Variants in KSR1 observed in about 807,000 individuals in gnomAD.
KSR1 encodes kinase suppressor of ras.
Under a neutral mutation model 92.9 loss-of-function variants are expected in KSR1, and 35 were observed. The ratio of observed to expected loss-of-function variants is 0.38; its 90% CI spans 0.29 to 0.50. KSR1 has a LOEUF of 0.50. Ranked by LOEUF, KSR1 falls within the 20% of genes least tolerant of loss-of-function variation. The probability of loss-of-function intolerance (pLI) is 0.94; values close to 1 mark genes in which losing one functional copy is unlikely to be tolerated. For missense variants in KSR1, 972 were observed against 1,158.5 expected (o/e 0.84, Z 2.34); for synonymous variants, 467 against 472.6 (o/e 0.99, Z 0.15).
In KSR1 at chr17:27,619,121, G is replaced by A. The variant is rs148772876; in HGVS notation, c.2627+1693G>A. ...GAGGGGAAGAGCCTTTCTGCCACCC[G>A]CTGCCAAGAAAGCCCCTGAGGCCCC... On this transcript the variant is annotated intron_variant, in intron 19 of 20. Transcript: ENST00000644974. Among the ~76,000 whole-genome samples, 75 of 152,228 alleles carry A rather than the reference G, an allele frequency of 4.9e-4. No individual in the cohort carries two copies. The East Asian group carries it at 0.013, about 27-fold the overall frequency.
rs1297014199 is a variant in KSR1, at chr17:27,557,400, T to G, written c.372+6692T>G. 3.3e-5 allele frequency among the ~76,000 whole-genome samples: 5 copies of G among 152,284 alleles called. No homozygotes were observed. The East Asian group carries it at 9.6e-4, about 29-fold the overall frequency. Reference sequence around the variant, plus strand: ...TCTGTCCCCTCTTTCCAGGCAAGAATTAGACATAGCACGCTCACTTGGCTG... The same window carrying G: ...TCTGTCCCCTCTTTCCAGGCAAGAAGTAGACATAGCACGCTCACTTGGCTG... On this transcript the variant is annotated intron_variant, in intron 2 of 20. Coordinates refer to ENST00000644974, the MANE Select transcript of KSR1 (RefSeq NM_001394583.1).
chr17:27,577,753 C>G lies in KSR1; in HGVS notation c.520+114C>G. On this transcript the variant is annotated intron_variant, in intron 3 of 20. Transcript: ENST00000644974. The surrounding 1 kb of genome is among the most constrained non-coding windows in gnomAD (Gnocchi z 4.5). ...GCGTGGCCCAGGGTTTCTGGGGCAGCCTGGAAAGGCCAGGGTTGGATGTTC... is the reference window on the plus strand; with the variant it reads ...GCGTGGCCCAGGGTTTCTGGGGCAGGCTGGAAAGGCCAGGGTTGGATGTTC... 2 of 872,476 alleles carry G rather than the reference C, an allele frequency of 2.3e-6. No individual in the cohort carries two copies. The highest frequency in any genetic ancestry group is 3.7e-6 in the Non-Finnish European group (2 of 541,328). 54.0% of individuals were successfully genotyped at this position (872,476 alleles called of 1,614,324 possible).
intron 1 of KSR1, among the ~76,000 whole-genome samples, chr17:27,512,313 T>C (rs1399236104): frequency 6.6e-6 from 1 of 152,240 alleles, no homozygotes; most frequent in African/African-American, 2.4e-5. Context: ...GATGAATTGC[T>C]GTACCCTTGC....
chr17:27,560,207 G>A (rs1342351890), intron 2 of KSR1: 1 of 337,708 alleles, frequency 3.0e-6, no homozygotes, highest in African/African-American at 2.2e-5. Flanking sequence ...ACGTCTAAAA[G>A]TCTCAGCTTC....
In KSR1 at chr17:27,603,837, T is replaced by G. The variant is rs2073655261; in HGVS notation, c.1514T>G (p.Ile505Ser). Reference protein sequence around the residue: ...HHRQQFIFPDISAFAHAAPLP... With the variant: ...HHRQQFIFPDSSAFAHAAPLP... ...GTTTGGTTTTTGTTTCCTCCAGACA[T>G]TTCAGCCTTTGCACACGCAGCCCCG... The change falls in exon 12 of 21, where the codon ATT becomes AGT. Residue 505 changes from isoleucine (I) to serine (S), a missense_variant. Around this residue, in one of 5 missense-constraint regions of KSR1, gnomAD observed 611 missense variants for 668.0 expected, o/e 0.91. Transcript: ENST00000644974. 7 of 1,613,830 alleles carry G rather than the reference T, an allele frequency of 4.3e-6. No homozygotes were observed. Among genetic ancestry groups the G allele is most frequent in the African/African-American group, 1.3e-5 (1 of 74,904 alleles).
intron 1 of KSR1, among the ~76,000 whole-genome samples, chr17:27,464,927 T>C (rs113370275): frequency 4.0e-3 from 463 of 114,902 alleles, no homozygotes; most frequent in South Asian, 4.1e-3. Flanking sequence ...ATGCTAACAA[T>C]AGCTGATGAG....
chr17:27,471,219 C>T (rs907787038), intron 1 of KSR1, among the ~76,000 whole-genome samples: 2 of 152,124 alleles, frequency 1.3e-5, no homozygotes, highest in African/African-American at 2.4e-5. Context: ...GTTTTAGGCA[C>T]TGTTTTAGGC....
At chr17:27,514,168 A>C (rs1411589190) in intron 1 of KSR1, among the ~76,000 whole-genome samples, 1 of 152,278 alleles carries the variant, frequency 6.6e-6, no homozygotes, top group Non-Finnish European at 1.5e-5. Flanking sequence ...GCCATTTGCC[A>C]CTTGCAACAG....
chr17:27,512,322 G>A (rs934617426), intron 1 of KSR1, among the ~76,000 whole-genome samples: 2 of 152,232 alleles, frequency 1.3e-5, no homozygotes, highest in African/African-American at 4.8e-5. Flanking sequence ...CTGTACCCTT[G>A]CCAGTTTCCA....
chr17:27,564,957 G>A (rs951365565), intron 2 of KSR1, among the ~76,000 whole-genome samples: 3 of 152,086 alleles, frequency 2.0e-5, no homozygotes, highest in Non-Finnish European at 4.4e-5. Context: ...AATAACATTT[G>A]TTATTTCTCT....
chr17:27,621,580 C>T (rs2074225754), intron 20 of KSR1, among the ~76,000 whole-genome samples: 1 of 152,262 alleles, frequency 6.6e-6, no homozygotes, highest in South Asian at 2.1e-4. Flanking sequence ...GATCCCAGTC[C>T]CCCTGGCCAG....
intron 3 of KSR1, chr17:27,579,970 T>G (rs1037692796): frequency 7.3e-6 from 1 of 137,916 alleles, no homozygotes; most frequent in Non-Finnish European, 1.5e-5. Context: ...CTGCTGATCC[T>G]CCCAATCCTT....
chr17:27,460,488 C>A (rs1429408514), intron 1 of KSR1, among the ~76,000 whole-genome samples: 1 of 152,178 alleles, frequency 6.6e-6, no homozygotes, highest in Admixed American at 6.5e-5. Flanking sequence ...GACCATCAGG[C>A]TTTGCTGGGG....
intron 1 of KSR1, among the ~76,000 whole-genome samples, chr17:27,481,767 G>A (rs993295362): frequency 3.3e-5 from 5 of 152,198 alleles, no homozygotes; most frequent in African/African-American, 1.2e-4. Flanking sequence ...CATTTCCCAA[G>A]TAGTGAACAT....
Position 27,623,643 on chromosome 17 carries a change from T to G in KSR1, c.*251T>G, listed in dbSNP as rs1382689015. ...CAAATGTTTACACGTATATTTCTCC[T>G]GAGTGAACCTGATGTTTTACAATAG... On this transcript the variant is annotated 3_prime_UTR_variant, in exon 21 of 21. Coordinates refer to ENST00000644974, the MANE Select transcript of KSR1 (RefSeq NM_001394583.1). 5 of 604,088 alleles carry G rather than the reference T, an allele frequency of 8.3e-6. No homozygotes were observed. Among genetic ancestry groups the G allele is most frequent in the African/African-American group, 1.9e-5 (1 of 53,774 alleles). The allele number at this position is 604,088 out of a possible 1,614,324, so 37.4% of individuals were successfully genotyped here.
At chr17:27,617,938 T>C (rs1443470645) in intron 19 of KSR1, among the ~76,000 whole-genome samples, 1 of 152,164 alleles carries the variant, frequency 6.6e-6, no homozygotes, top group Non-Finnish European at 1.5e-5. Flanking sequence ...TTTTGGAGAC[T>C]CCCTTTGACA....
At chr17:27,557,699 G>T (rs548332335) in intron 2 of KSR1, among the ~76,000 whole-genome samples, 8 of 152,178 alleles carry the variant, frequency 5.3e-5, no homozygotes, top group African/African-American at 1.7e-4. Flanking sequence ...GCTGCTTCTG[G>T]ACAGTAAAGA....
chr17:27,597,818 C>T (rs774686581), intron 10 of KSR1, among the ~76,000 whole-genome samples: 3 of 152,220 alleles, frequency 2.0e-5, no homozygotes, highest in Admixed American at 6.5e-5. Flanking sequence ...GCCAGCAACA[C>T]AGGGAGCTAG....
At chr17:27,556,706 A>T (rs773362365) in intron 2 of KSR1, among the ~76,000 whole-genome samples, 3 of 152,212 alleles carry the variant, frequency 2.0e-5, no homozygotes, top group Non-Finnish European at 4.4e-5. Flanking sequence ...GAAGACTCAG[A>T]GTCAGAGGAG....
Sources: gnomAD v4.1 joint callset for allele counts (sites outside exome capture counted in the v4.1 genomes callset) on GRCh38, gnomAD v4.1.1 for gene constraint, gnomAD v4.1.1 regional missense constraint, Gnocchi (gnomAD v3.1) non-coding constraint, MANE v1.5 for transcripts, NCBI Gene and HGNC (gene_info 2026-07-23, HGNC 2026-07-21) for gene names.